The following CIT variants were observed in gnomAD, a reference collection of about 807,000 sequenced individuals.
CIT encodes the protein citron rho-interacting serine/threonine kinase, also known as citron Rho-interacting kinase.
A neutral mutation model predicts 272.7 loss-of-function variants in CIT; 79 were observed. The ratio of observed to expected loss-of-function variants is 0.29; its 90% CI spans 0.24 to 0.35. The LOEUF (loss-of-function observed/expected upper bound fraction) is 0.35, where lower values mean the gene tolerates loss of function less well. CIT is among the 10% of genes least tolerant of loss of function. The pLI, the probability that CIT is intolerant of heterozygous loss-of-function variation, is 1.00. For missense variants in CIT, 1,909 were observed against 2,618.3 expected (o/e 0.73, Z 5.91); for synonymous variants, 948 against 995.6 (o/e 0.95, Z 0.90).
At chr12:119,864,588 G>C (rs182510177) in intron 3 of CIT, among the ~76,000 whole-genome samples, 4 of 152,128 alleles carry the variant, frequency 2.6e-5, no homozygotes, top group African/African-American at 9.7e-5. Flanking sequence ...TGCCCACCTC[G>C]GCCTCCCAGT....
intron 39 of CIT, among the ~76,000 whole-genome samples, chr12:119,709,805 T>A (rs867342948): frequency 0.061 from 8,578 of 139,524 alleles, 641 homozygotes; most frequent in African/African-American, 0.19. Context: ...TGTGTGTGTG[T>A]GTGTGTGTGT....
At chr12:119,837,344 T>C (rs1038776146) in intron 5 of CIT, among the ~76,000 whole-genome samples, 1 of 152,214 alleles carries the variant, frequency 6.6e-6, no homozygotes, top group Non-Finnish European at 1.5e-5. Flanking sequence ...CCACAGCTTA[T>C]TCAATCATCA....
At chr12:119,753,001 G>A (rs1224622903) in intron 22 of CIT, among the ~76,000 whole-genome samples, 1 of 152,162 alleles carries the variant, frequency 6.6e-6, no homozygotes, top group Non-Finnish European at 1.5e-5. Flanking sequence ...AAATTCTGTT[G>A]AAGAATATGC....
At chr12:119,760,456 G>A (rs891493339) in intron 20 of CIT, among the ~76,000 whole-genome samples, 6 of 151,978 alleles carry the variant, frequency 3.9e-5, no homozygotes, top group Admixed American at 1.3e-4. Flanking sequence ...GCAAGATCTC[G>A]TCTCTACAGA....
intron 23 of CIT, among the ~76,000 whole-genome samples, chr12:119,748,063 C>T (rs2137379077): frequency 6.6e-6 from 1 of 152,158 alleles, no homozygotes. Flanking sequence ...ACTTGGGAGG[C>T]TGAGGTGGGA....
chr12:119,818,260 G>A (rs1967382920), intron 9 of CIT, among the ~76,000 whole-genome samples: 1 of 152,064 alleles, frequency 6.6e-6, no homozygotes, highest in African/African-American at 2.4e-5. Context: ...GGTTAGCACA[G>A]AATAGGTACT....
intron 5 of CIT, among the ~76,000 whole-genome samples, chr12:119,837,957 T>C (rs780268922): frequency 1.3e-5 from 2 of 152,152 alleles, no homozygotes; most frequent in Non-Finnish European, 2.9e-5. Context: ...AATCAATACT[T>C]GAGTGCCTAT....
At chr12:119,717,120 T>G (rs981506802) in intron 32 of CIT, among the ~76,000 whole-genome samples, 3 of 152,246 alleles carry the variant, frequency 2.0e-5, no homozygotes, top group Non-Finnish European at 4.4e-5. Flanking sequence ...TGGCTTTATC[T>G]TGGCTCACTG....
intron 41 of CIT, among the ~76,000 whole-genome samples, chr12:119,703,470 G>A (rs1956704192): frequency 1.4e-5 from 2 of 143,574 alleles, no homozygotes; most frequent in Non-Finnish European, 3.0e-5. Context: ...CTGTTGCCCA[G>A]GCTGGAATGC....
At chr12:119,868,626 C>T (rs1191926226) in intron 3 of CIT, among the ~76,000 whole-genome samples, 1 of 152,218 alleles carries the variant, frequency 6.6e-6, no homozygotes, top group Non-Finnish European at 1.5e-5. Context: ...GAGCCTCAAC[C>T]TCCCGGGCTC....
intron 10 of CIT, among the ~76,000 whole-genome samples, chr12:119,801,743 C>T (rs547826648): frequency 3.6e-4 from 54 of 152,016 alleles, no homozygotes; most frequent in Admixed American, 3.5e-3. Flanking sequence ...CCTGCTGAGC[C>T]GTTTCAAACC....
At chr12:119,721,002 T>C (rs1018876966) in intron 29 of CIT, among the ~76,000 whole-genome samples, 1 of 152,196 alleles carries the variant, frequency 6.6e-6, no homozygotes, top group African/African-American at 2.4e-5. Context: ...AGTCTTGCTC[T>C]GTTGCCCGGG....
chr12:119,711,166 G>A (rs529243538), intron 37 of CIT: 2 of 1,232,446 alleles, frequency 1.6e-6, no homozygotes, highest in Admixed American at 1.9e-5. Flanking sequence ...ATCCAAACAG[G>A]TCTAACCACT....
chr12:119,746,920 A>T (rs1241687382), intron 23 of CIT, among the ~76,000 whole-genome samples: 1 of 152,252 alleles, frequency 6.6e-6, no homozygotes, highest in Non-Finnish European at 1.5e-5. Context: ...AAACAAATAC[A>T]CAAAAAGGCA....
At chr12:119,745,400 A>AAAAAAAAAAAAC (rs1555231402) in intron 23 of CIT, among the ~76,000 whole-genome samples, 1 of 143,664 alleles carries the variant, frequency 7.0e-6, no homozygotes. Flanking sequence ...AAAAAAAAAC[A>AAAAAAAAAAAAC]CCTGTCCACA....
chr12:119,701,675 C>T lies in CIT; in HGVS notation c.5491G>A (p.Val1831Met), dbSNP rs768924501. The change falls in exon 43 of 48, where the codon GTG becomes ATG. Residue 1831 changes from valine to methionine, a missense_variant. This residue lies in a region of CIT where 780 missense variants were observed against 1,067.2 expected (regional missense o/e 0.73). Transcript: ENST00000392521. ...ASSNSFPVSI[V>M]QVNSAGQREE... ...CGCTGCCCTGCGCTGTTCACCTGCA[C>T]GATTGAGACAGGGAAGCTGTTGGAA... The T allele has an allele frequency of 4.5e-5, 72 of 1,614,008 alleles. No homozygotes were observed. Among genetic ancestry groups the T allele is most frequent in the Admixed American group, 6.7e-5 (4 of 60,006 alleles).
intron 9 of CIT, among the ~76,000 whole-genome samples, chr12:119,822,474 G>T (rs1967805823): frequency 6.6e-6 from 1 of 152,146 alleles, no homozygotes; most frequent in South Asian, 2.1e-4. Flanking sequence ...TCTTTTTCCT[G>T]ATATGTGAAT....
At chr12:119,813,879 T>C (rs1395226438) in intron 9 of CIT, among the ~76,000 whole-genome samples, 1 of 152,154 alleles carries the variant, frequency 6.6e-6, no homozygotes, top group East Asian at 1.9e-4. Context: ...CAGGGCTCAG[T>C]ATTCAGAAAA....
At chr12:119,854,055 T>A (rs184061125) in intron 4 of CIT, among the ~76,000 whole-genome samples, 3 of 151,558 alleles carry the variant, frequency 2.0e-5, no homozygotes, top group Non-Finnish European at 4.4e-5. Context: ...AGACGGAGTG[T>A]TCGCTCTTGT....
Sources: gnomAD v4.1 joint callset for allele counts (sites outside exome capture counted in the v4.1 genomes callset) on GRCh38, gnomAD v4.1.1 for gene constraint, gnomAD v4.1.1 regional missense constraint, MANE v1.5 for transcripts, NCBI Gene and HGNC (gene_info 2026-07-23, HGNC 2026-07-21) for gene names.